The following EDIL3 variants were observed in gnomAD, a reference collection of about 807,000 sequenced individuals.
EDIL3 encodes the protein EGF like and discoidin domains 3, also known as EGF-like repeat and discoidin I-like domain-containing protein 3.
A neutral mutation model predicts 67.4 loss-of-function variants in EDIL3; 37 were observed. The observed-to-expected ratio is 0.55, with a 90% confidence interval of 0.42 to 0.72. EDIL3 has a LOEUF of 0.72. Among genes scored for constraint, EDIL3 ranks in the 30% least tolerant of loss-of-function variants. The probability of loss-of-function intolerance (pLI) is 0.00; values close to 1 mark genes in which losing one functional copy is unlikely to be tolerated. For synonymous variants in EDIL3, 195 were observed against 196.3 expected (o/e 0.99, Z 0.05); for missense variants, 527 against 586.3 (o/e 0.90, Z 1.04).
rs115459687 is a variant in EDIL3 at position 84,038,672 on chromosome 5, G to A, written c.1137+21628C>T. Among the ~76,000 whole-genome samples the A allele has an allele frequency of 2.1e-3, 324 of 152,316 alleles. 2 individuals carry two copies. The highest frequency in any genetic ancestry group is 7.4e-3 in the African/African-American group (307 of 41,568). On this transcript the variant is annotated intron_variant, in intron 9 of 10. Transcript: ENST00000296591. The stretch of plus-strand genomic sequence containing the variant: ...GTTGTTGGTGGTGGGATGTCCCAGC[G>A]TTTTTCACTGATAGTTAAGTAGAGC...
intron 9 of EDIL3, among the ~76,000 whole-genome samples, chr5:84,016,145 T>C (rs533177882): frequency 6.6e-6 from 1 of 152,298 alleles, no homozygotes; most frequent in East Asian, 1.9e-4. Context: ...CATGTGGTAC[T>C]TGGTTTTCTA....
intron 5 of EDIL3, among the ~76,000 whole-genome samples, chr5:84,107,625 A>G (rs1048882051): frequency 6.6e-6 from 1 of 151,378 alleles, no homozygotes; most frequent in African/African-American, 2.4e-5. Flanking sequence ...AAATTTTCCA[A>G]TGAAATTTTA....
intron 9 of EDIL3, among the ~76,000 whole-genome samples, chr5:83,974,778 T>TTG (rs1744851811): frequency 6.6e-6 from 1 of 152,044 alleles, no homozygotes; most frequent in South Asian, 2.1e-4. Flanking sequence ...AATTTATTTA[T>TTG]TGTGTATATA....
intron 9 of EDIL3, among the ~76,000 whole-genome samples, chr5:83,983,143 G>T (rs560695060): frequency 3.2e-4 from 49 of 152,216 alleles, no homozygotes; most frequent in Admixed American, 1.4e-3. Flanking sequence ...TAGAACCTTT[G>T]CTCCCAACGA....
At chr5:84,057,293 T>A (rs1746464868) in intron 9 of EDIL3, among the ~76,000 whole-genome samples, 1 of 152,156 alleles carries the variant, frequency 6.6e-6, no homozygotes, top group South Asian at 2.1e-4. Flanking sequence ...CCCTGATTCA[T>A]GTAAAAATAT....
At chr5:84,358,747 C>G (rs530287244) in intron 1 of EDIL3, among the ~76,000 whole-genome samples, 115 of 151,704 alleles carry the variant, frequency 7.6e-4, no homozygotes, top group African/African-American at 2.5e-3. Flanking sequence ...GTAGCTGGGA[C>G]TACAGGCGCC....
At chr5:83,976,114 C>T (rs1348930475) in intron 9 of EDIL3, among the ~76,000 whole-genome samples, 1 of 151,866 alleles carries the variant, frequency 6.6e-6, no homozygotes, top group African/African-American at 2.4e-5. Flanking sequence ...AGGTCACACA[C>T]ATATATATTT....
chr5:84,287,726 C>T (rs1445633330), intron 1 of EDIL3, among the ~76,000 whole-genome samples: 1 of 152,110 alleles, frequency 6.6e-6, no homozygotes, highest in East Asian at 1.9e-4. Flanking sequence ...GACCAATGAG[C>T]AGCATTAGAC....
At chr5:84,314,547 T>C (rs1746471725) in intron 1 of EDIL3, among the ~76,000 whole-genome samples, 1 of 152,174 alleles carries the variant, frequency 6.6e-6, no homozygotes, top group Admixed American at 6.5e-5. Context: ...GTTTCCTAGA[T>C]TTCATAAATT....
intron 9 of EDIL3, among the ~76,000 whole-genome samples, chr5:84,020,158 T>G (rs1208959342): frequency 6.6e-6 from 1 of 151,820 alleles, no homozygotes; most frequent in Non-Finnish European, 1.5e-5. Context: ...AAGGCATGCT[T>G]TATAAAGTAC....
At chr5:84,157,484 TA>T (rs1348708001) in intron 4 of EDIL3, among the ~76,000 whole-genome samples, 1 of 152,066 alleles carries the variant, frequency 6.6e-6, no homozygotes, top group African/African-American at 2.4e-5. Context: ...TTTTTTCAAT[TA>T]AAAATATGTA....
intron 2 of EDIL3, among the ~76,000 whole-genome samples, chr5:84,239,628 C>T (rs1744757656): frequency 6.6e-6 from 1 of 152,200 alleles, no homozygotes; most frequent in Non-Finnish European, 1.5e-5. Flanking sequence ...ATCTTATCTT[C>T]TTGCTGCCTA....
At chr5:84,220,941 C>A (rs897725236) in intron 3 of EDIL3, among the ~76,000 whole-genome samples, 1 of 151,930 alleles carries the variant, frequency 6.6e-6, no homozygotes, top group African/African-American at 2.4e-5. Flanking sequence ...ATTTTCGCCA[C>A]AGAAGATAGA....
intron 4 of EDIL3, among the ~76,000 whole-genome samples, chr5:84,138,730 A>G (rs1055616443): frequency 2.0e-5 from 3 of 152,052 alleles, no homozygotes; most frequent in Non-Finnish European, 4.4e-5. Context: ...TTCTAAGTTC[A>G]CTGTAGAAAG....
intron 1 of EDIL3, among the ~76,000 whole-genome samples, chr5:84,361,410 T>C (rs1747595533): frequency 6.6e-6 from 1 of 152,062 alleles, no homozygotes; most frequent in Non-Finnish European, 1.5e-5. Flanking sequence ...TATCAATATT[T>C]TTATAAATAG....
chr5:84,143,009 T>C (rs190636278), intron 4 of EDIL3, among the ~76,000 whole-genome samples: 3 of 152,040 alleles, frequency 2.0e-5, no homozygotes, highest in Non-Finnish European at 4.4e-5. Flanking sequence ...CCATTAGCTA[T>C]TACATATTCT....
At chr5:84,358,592 C>CTTTTTTTTTTTTTTTTTT (rs756013675) in intron 1 of EDIL3, among the ~76,000 whole-genome samples, 1 of 94,560 alleles carries the variant, frequency 1.1e-5, no homozygotes, top group African/African-American at 4.0e-5. Flanking sequence ...CATTTTTATC[C>CTTTTTTTTTTTTTTTTTT]TTTTTTTTTT....
chr5:84,043,089 A>G (rs1232663461), intron 9 of EDIL3, among the ~76,000 whole-genome samples: 1 of 152,212 alleles, frequency 6.6e-6, no homozygotes, highest in Non-Finnish European at 1.5e-5. Flanking sequence ...GCAAGAGAAA[A>G]CAGTTTTAAA....
At chr5:84,018,511 C>T (rs899399063) in intron 9 of EDIL3, among the ~76,000 whole-genome samples, 1 of 152,150 alleles carries the variant, frequency 6.6e-6, no homozygotes, top group African/African-American at 2.4e-5. Flanking sequence ...GCTGTCCTCG[C>T]TCTCACATTT....
Sources: gnomAD v4.1 joint callset for allele counts (sites outside exome capture counted in the v4.1 genomes callset) on GRCh38, gnomAD v4.1.1 for gene constraint, MANE v1.5 for transcripts, NCBI Gene and HGNC (gene_info 2026-07-23, HGNC 2026-07-21) for gene names.